GRIA4: variants seen among roughly 807,000 people sequenced by gnomAD.
The protein encoded by GRIA4 is glutamate ionotropic receptor AMPA type subunit 4.
Under a neutral mutation model 104.0 loss-of-function variants are expected in GRIA4, and 34 were observed. The observed-to-expected ratio is 0.33, with a 90% CI of 0.25 to 0.44. The LOEUF (loss-of-function observed/expected upper bound fraction) is 0.44. Among genes scored for constraint, GRIA4 ranks in the 20% least tolerant of loss-of-function variants. The pLI is 1.00. For missense variants in GRIA4, 750 were observed against 1,096.5 expected (o/e 0.68, Z 4.46); for synonymous variants, 386 against 381.9 (o/e 1.01, Z -0.13).
chr11:105,923,342 G>T (rs1262354988), intron 11 of GRIA4, among the ~76,000 whole-genome samples: 1 of 152,064 alleles, frequency 6.6e-6, no homozygotes, highest in Non-Finnish European at 1.5e-5. Flanking sequence ...TATTTCACTT[G>T]ATTTTAGAGG....
chr11:105,629,891 T>A (rs1368206623), intron 3 of GRIA4, among the ~76,000 whole-genome samples: 2 of 152,248 alleles, frequency 1.3e-5, no homozygotes, highest in African/African-American at 4.8e-5. Context: ...ACTAAAATTA[T>A]CATCATTACA....
At chr11:105,753,823 A>G (rs1026122414) in intron 4 of GRIA4, among the ~76,000 whole-genome samples, 1 of 152,150 alleles carries the variant, frequency 6.6e-6, no homozygotes, top group Admixed American at 6.5e-5. Context: ...TATAAAGGAT[A>G]TTACAGAGGA....
chr11:105,674,670 ACATT>A (rs1952480252), intron 3 of GRIA4, among the ~76,000 whole-genome samples: 1 of 151,960 alleles, frequency 6.6e-6, no homozygotes, highest in Non-Finnish European at 1.5e-5. Context: ...GCTACTATAC[ACATT>A]GTATTATTAT....
intron 3 of GRIA4, among the ~76,000 whole-genome samples, chr11:105,687,847 G>A (rs1016192455): frequency 6.6e-6 from 1 of 151,994 alleles, no homozygotes; most frequent in African/African-American, 2.4e-5. Flanking sequence ...AAAATGCATT[G>A]GAATATAACT....
In GRIA4 at chr11:105,865,268, T is replaced by C. The variant is rs537439429; in HGVS notation, c.672+3060T>C. On this transcript the variant is annotated intron_variant, in intron 5 of 16. Coordinates refer to ENST00000282499, the MANE Select transcript of GRIA4 (RefSeq NM_000829.4). ...AGTCATTTAAGAGAGTAGAAACATA[T>C]TGAAACCACAAAGTTAGATTTATTT... Among the ~76,000 whole-genome samples, 119 of 152,284 alleles carry C rather than the reference T, an allele frequency of 7.8e-4. 3 individuals carry two copies. In the South Asian group the frequency reaches 0.023, roughly 30 times the overall value.
At chr11:105,855,227 G>T (rs637569) in intron 4 of GRIA4, among the ~76,000 whole-genome samples, 13 of 151,826 alleles carry the variant, frequency 8.6e-5, no homozygotes, top group African/African-American at 3.1e-4. Context: ...CTTTGAAAGG[G>T]TCTAATCTTT....
intron 14 of GRIA4, among the ~76,000 whole-genome samples, chr11:105,939,069 A>G (rs694514): frequency 0.54 from 82,190 of 151,894 alleles, 22,271 homozygotes; most frequent in South Asian, 0.62. Context: ...TAAGACTCAC[A>G]AGGCATTATA....
At chr11:105,962,794 T>C (rs962102800) in intron 14 of GRIA4, among the ~76,000 whole-genome samples, 5 of 152,172 alleles carry the variant, frequency 3.3e-5, no homozygotes, top group Non-Finnish European at 5.9e-5. Context: ...CCCTTATTGC[T>C]TTTTCCTCCT....
rs1470681071 is a variant in GRIA4, at chr11:105,918,720, A to G, written c.1278A>G (p.Pro426=). Residue 426 remains proline (P), a synonymous_variant, in exon 11 of 17, where the codon CCA becomes CCG. Coordinates refer to ENST00000282499, the MANE Select transcript of GRIA4 (RefSeq NM_000829.4). ...TVVVTTIMES[P]YVMYKKNHEM... is the part of the protein sequence containing the mutation. ...TACTTCTCTCATTATAGGAATCCCC[A>G]TATGTTATGTACAAGAAAAATCATG... 3 of 1,472,730 alleles carry G rather than the reference A, an allele frequency of 2.0e-6. No homozygotes were observed. Among genetic ancestry groups the G allele is most frequent in the Admixed American group, 1.7e-5 (1 of 59,740 alleles). The allele number at this position is 1,472,730 out of a possible 1,614,324, so 91.2% of individuals were successfully genotyped here.
intron 2 of GRIA4, 129 bp from the exon 3 acceptor site, chr11:105,612,147 C>A: frequency 1.3e-6 from 1 of 786,296 alleles, no homozygotes; most frequent in Admixed American, 2.3e-5. Flanking sequence ...GGCAGTCTCC[C>A]TAGATGTGGC....
chr11:105,675,899 G>T (rs1952520495), intron 3 of GRIA4, among the ~76,000 whole-genome samples: 2 of 151,764 alleles, frequency 1.3e-5, no homozygotes, highest in Non-Finnish European at 2.9e-5. Context: ...GATGTCTTGA[G>T]TTCTTTCATT....
chr11:105,624,046 A>C (rs1462741459), intron 3 of GRIA4, among the ~76,000 whole-genome samples: 2 of 152,128 alleles, frequency 1.3e-5, no homozygotes, highest in Non-Finnish European at 2.9e-5. Flanking sequence ...AATCAAGTAA[A>C]GAATATGAAG....
intron 9 of GRIA4, 142 bp from the exon 10 acceptor site, chr11:105,910,292 CA>C (rs1947187898): frequency 1.7e-6 from 1 of 602,008 alleles, no homozygotes; most frequent in African/African-American, 1.9e-5. Flanking sequence ...CACTTCTGAA[CA>C]CTTTTTTTTT....
intron 3 of GRIA4, among the ~76,000 whole-genome samples, chr11:105,727,334 G>C (rs943911212): frequency 6.6e-6 from 1 of 151,902 alleles, no homozygotes; most frequent in Non-Finnish European, 1.5e-5. Context: ...CAAGATTAGA[G>C]AAAAAAGGAT....
intron 4 of GRIA4, 38 bp from the exon 5 acceptor site, chr11:105,861,985 TA>T: frequency 7.5e-7 from 1 of 1,336,398 alleles, no homozygotes; most frequent in Non-Finnish European, 1.1e-6. Flanking sequence ...TAAAGGGGAG[TA>T]AAAGCATGTT....
chr11:105,974,941 T>G (rs1215603536), intron 16 of GRIA4: 1 of 175,202 alleles, frequency 5.7e-6, no homozygotes. Flanking sequence ...CAAAATCTGT[T>G]CCAAGTGATC....
intron 4 of GRIA4, among the ~76,000 whole-genome samples, chr11:105,782,582 G>A (rs1941776279): frequency 6.6e-6 from 1 of 152,146 alleles, no homozygotes; most frequent in Admixed American, 6.6e-5. Flanking sequence ...AGGCTCCACG[G>A]AATGCTGGAA....
At chr11:105,979,039 C>T (rs1859138648) in intron 16 of GRIA4, among the ~76,000 whole-genome samples, 1 of 152,108 alleles carries the variant, frequency 6.6e-6, no homozygotes, top group African/African-American at 2.4e-5. Flanking sequence ...ACTAATTGTG[C>T]TGTTCTGGGT....
At chr11:105,745,730 T>C (rs1055117625) in intron 3 of GRIA4, among the ~76,000 whole-genome samples, 1 of 152,214 alleles carries the variant, frequency 6.6e-6, no homozygotes, top group South Asian at 2.1e-4. Flanking sequence ...ATCACTAATA[T>C]GAGGAGGACT....
Sources: gnomAD v4.1 joint callset for allele counts (sites outside exome capture counted in the v4.1 genomes callset) on GRCh38, gnomAD v4.1.1 for gene constraint, MANE v1.5 for transcripts, NCBI Gene and HGNC (gene_info 2026-07-23, HGNC 2026-07-21) for gene names.